GPC1: variants seen among roughly 807,000 people sequenced by gnomAD.
The protein encoded by GPC1 is glypican-1.
Under a neutral mutation model 51.5 loss-of-function variants are expected in GPC1, and 26 were observed. That is an observed-to-expected ratio of 0.50 (90% CI 0.37 to 0.70). GPC1 has a LOEUF of 0.70. Ranked by LOEUF, GPC1 falls within the 30% of genes least tolerant of loss-of-function variation. GPC1 has a pLI of 0.00. For synonymous variants in GPC1, 380 were observed against 348.3 expected, an observed-to-expected ratio of 1.09 and a Z score of -1.01; for missense variants, 775 against 800.5, an observed-to-expected ratio of 0.97 and a Z score of 0.38.
At chr2:240,447,451 G>C (rs753346309) in intron 1 of GPC1, among the ~76,000 whole-genome samples, 1 of 152,210 alleles carries the variant, frequency 6.6e-6, no homozygotes, top group Admixed American at 6.5e-5. Flanking sequence ...GGCGGATGGA[G>C]GGGGAGGGCA....
chr2:240,458,270 C>G (rs187819261), intron 1 of GPC1: 1 of 316,594 alleles, frequency 3.2e-6, no homozygotes, highest in East Asian at 7.8e-5. Flanking sequence ...AGAGCTGACT[C>G]AAAGCCTGTC....
In GPC1 at chr2:240,459,134, G is replaced by T; in HGVS notation, c.271G>T (p.Asp91Tyr). Residue 91 changes from aspartate (D) to tyrosine (Y), a missense_variant, in exon 2 of 9, where the codon GAC (aspartate) becomes TAC (tyrosine). By Grantham distance (160) the Asp-to-Tyr change is radical. Coordinates refer to ENST00000264039, the MANE Select transcript of GPC1 (RefSeq NM_002081.3). ...TGCCGAGCTGGAGACCGCGCTCCGG[G>T]ACAGCAGCCGCGTCCTGCAGGCCAT... ...SHAELETALR[D>Y]SSRVLQAMLA... 6.2e-7 allele frequency: 1 copy of T among 1,612,628 alleles called. No individual in the cohort carries two copies. The highest frequency in any genetic ancestry group is 1.7e-4 in the Middle Eastern group (1 of 6,058).
chr2:240,443,185 C>T (rs1167234839), intron 1 of GPC1, among the ~76,000 whole-genome samples: 1 of 152,006 alleles, frequency 6.6e-6, no homozygotes, highest in African/African-American at 2.4e-5. Flanking sequence ...GCCTGAAAAC[C>T]TTCTCCAGGT....
intron 1 of GPC1, among the ~76,000 whole-genome samples, chr2:240,444,097 G>A (rs1022746041): frequency 6.6e-6 from 1 of 152,188 alleles, no homozygotes; most frequent in African/African-American, 2.4e-5. Context: ...TGTGAACACG[G>A]CCCGGCTTCT....
chr2:240,466,015 C>A, intron 8 of GPC1, 43 bp from the exon 9 acceptor site: 3 of 1,300,990 alleles, frequency 2.3e-6, no homozygotes, highest in Non-Finnish European at 3.3e-6. Flanking sequence ...GCACTGGGGT[C>A]TCCTGTGGGG....
chr2:240,463,232 G>C, intron 3 of GPC1, 115 bp from the exon 4 acceptor site: 2 of 841,912 alleles, frequency 2.4e-6, no homozygotes, highest in Non-Finnish European at 3.8e-6. Flanking sequence ...GGGCAGAGCA[G>C]AGGCCTCCCC....
intron 2 of GPC1, among the ~76,000 whole-genome samples, chr2:240,460,635 C>T (rs568517291): frequency 2.8e-4 from 43 of 152,344 alleles, no homozygotes; most frequent in African/African-American, 9.6e-4. Flanking sequence ...CCTGCCGCCG[C>T]CCTCCCTCTG....
intron 1 of GPC1, among the ~76,000 whole-genome samples, chr2:240,436,361 A>G (rs937557131): frequency 2.0e-5 from 3 of 151,942 alleles, no homozygotes; most frequent in Non-Finnish European, 4.4e-5. Context: ...TTCCCTGCGG[A>G]GCTGATCTCG....
At chr2:240,458,831 T>C in intron 1 of GPC1, 199 bp from the exon 2 acceptor site, 1 of 575,762 alleles carries the variant, frequency 1.7e-6, no homozygotes, top group South Asian at 2.2e-5. Flanking sequence ...TGTGGGAAGC[T>C]ACGGGACCGA....
intron 4 of GPC1, 137 bp downstream of exon 4, chr2:240,463,649 T>C: frequency 1.4e-6 from 1 of 696,472 alleles, no homozygotes; most frequent in Non-Finnish European, 2.4e-6. Context: ...GGGCCAGATC[T>C]GGGTGGTGCT....
At chr2:240,461,837 C>T (rs1183809949) in intron 2 of GPC1, among the ~76,000 whole-genome samples, 1 of 152,016 alleles carries the variant, frequency 6.6e-6, no homozygotes, top group Non-Finnish European at 1.5e-5. Context: ...CCCAGTGAGT[C>T]CCCATCTCCA....
chr2:240,441,897 G>T (rs780837173), intron 1 of GPC1, among the ~76,000 whole-genome samples: 1 of 152,214 alleles, frequency 6.6e-6, no homozygotes, highest in African/African-American at 2.4e-5. Flanking sequence ...GCCCAGAGCT[G>T]CAGCCTCCTT....
intron 4 of GPC1, 64 bp from the exon 5 acceptor site, chr2:240,464,552 T>TCC (rs111613058): frequency 1.0e-5 from 3 of 295,472 alleles, no homozygotes; most frequent in South Asian, 5.6e-5. Context: ...CGCCTGCGTG[T>TCC]GCGTGTCAAC....
In GPC1 at chr2:240,465,009, A is replaced by C. The variant is rs113903394; in HGVS notation, c.1134+34A>C. The C allele has an allele frequency of 1.9e-5, 30 of 1,571,740 alleles. No homozygotes were observed. The African/African-American group carries it at 2.7e-4, about 14-fold the overall frequency. On this transcript the variant is annotated intron_variant, in intron 6 of 8. Transcript: ENST00000264039. ...CCCCTGCGTGTCCACTGGACCAGGC[A>C]TGAGGGAGGCAGACAGGCAGAGGCG...
chr2:240,450,452 G>A (rs1055759575), intron 1 of GPC1: 9 of 389,534 alleles, frequency 2.3e-5, no homozygotes, highest in Non-Finnish European at 4.3e-5. Context: ...CTGTGACCTT[G>A]CACAGGTCAC....
intron 1 of GPC1, among the ~76,000 whole-genome samples, chr2:240,456,328 G>A (rs1006386919): frequency 1.3e-5 from 2 of 152,184 alleles, no homozygotes; most frequent in African/African-American, 4.8e-5. Flanking sequence ...TGGGGGCTGG[G>A]GAGTGGGTCC....
chr2:240,464,988 T>C lies in GPC1; in HGVS notation c.1134+13T>C. 6.4e-7 allele frequency: 1 copy of C among 1,560,432 alleles called. No homozygotes were observed. The highest frequency in any genetic ancestry group is 1.2e-5 in the South Asian group (1 of 84,904). On this transcript the variant is annotated intron_variant, in intron 6 of 8. Transcript: ENST00000264039. ...GCTGGAGAAGCTGGTGAGTGGCCCCTGCGTGTCCACTGGACCAGGCATGAG... is the reference window on the plus strand; with the variant it reads ...GCTGGAGAAGCTGGTGAGTGGCCCCCGCGTGTCCACTGGACCAGGCATGAG...
At chr2:240,442,160 G>A (rs1453635375) in intron 1 of GPC1, among the ~76,000 whole-genome samples, 10 of 152,144 alleles carry the variant, frequency 6.6e-5, no homozygotes, top group African/African-American at 1.2e-4. Context: ...CACAGCACCC[G>A]CCTCCTCCGG....
chr2:240,448,286 A>T lies in GPC1; in HGVS notation c.167-10744A>T, dbSNP rs2074066018. 6.6e-6 allele frequency among the ~76,000 whole-genome samples: 1 copy of T among 151,920 alleles called. No homozygotes were observed. Among genetic ancestry groups the T allele is most frequent in the African/African-American group, 2.4e-5 (1 of 41,370 alleles). On this transcript the variant is annotated intron_variant, in intron 1 of 8. Coordinates refer to ENST00000264039, the MANE Select transcript of GPC1 (RefSeq NM_002081.3). This position sits in a 1 kb window ranked among gnomAD's most constrained non-coding sequence, Gnocchi z 4.5. ...CCAGGCTGTCTGCCTCCTGGATCTC[A>T]TGTGCCCGCCCCAGGCAGTGTCCCC...
Sources: allele counts gnomAD v4.1 joint callset (sites outside exome capture counted in the v4.1 genomes callset), GRCh38; gene constraint gnomAD v4.1.1; non-coding constraint Gnocchi (gnomAD v3.1); transcripts MANE v1.5; gene names NCBI Gene and HGNC (gene_info 2026-07-23, HGNC 2026-07-21).